CFAP54: variants seen among roughly 807,000 people sequenced by gnomAD.
The protein encoded by CFAP54 is cilia- and flagella-associated protein 54.
CFAP54 carries 290 observed loss-of-function variants against 370.4 expected under a neutral mutation model. The ratio of observed to expected loss-of-function variants is 0.78; its 90% CI spans 0.71 to 0.86. The LOEUF is 0.86. Among genes scored for constraint, CFAP54 ranks in the 40% least tolerant of loss-of-function variants. The pLI, the probability that CFAP54 is intolerant of heterozygous loss-of-function variation, is 0.00. For synonymous variants in CFAP54, 1,206 were observed against 1,236.5 expected, an observed-to-expected ratio of 0.98 and a Z score of 0.52; for missense variants, 3,399 against 3,528.7, an observed-to-expected ratio of 0.96 and a Z score of 0.93.
chr12:96,837,788 TAGGTCCTGG>T (rs1959191056), intron 66 of CFAP54, among the ~76,000 whole-genome samples: 1 of 152,210 alleles, frequency 6.6e-6, no homozygotes, highest in Non-Finnish European at 1.5e-5. Flanking sequence ...GCCATTGGGC[TAGGTCCTGG>T]GGTACAGAAG....
At chr12:96,658,169 A>C in intron 37 of CFAP54, 42 bp from the exon 38 acceptor site, 1 of 1,584,384 alleles carries the variant, frequency 6.3e-7, no homozygotes, top group Non-Finnish European at 8.6e-7. Context: ...AAAGTCTTTT[A>C]ACTAATGTTT....
At chr12:96,816,313 C>G (rs1044598860) in intron 64 of CFAP54, among the ~76,000 whole-genome samples, 2 of 152,062 alleles carry the variant, frequency 1.3e-5, no homozygotes, top group African/African-American at 4.8e-5. Context: ...GCATTTTATT[C>G]TCTTTGAAGC....
intron 45 of CFAP54, among the ~76,000 whole-genome samples, chr12:96,697,466 G>A (rs999917366): frequency 6.6e-6 from 1 of 152,092 alleles, no homozygotes; most frequent in African/African-American, 2.4e-5. Flanking sequence ...ACCAAAGTAT[G>A]CAACTCAATA....
intron 26 of CFAP54, among the ~76,000 whole-genome samples, chr12:96,621,105 T>C (rs999119282): frequency 6.6e-6 from 1 of 152,210 alleles, no homozygotes; most frequent in Non-Finnish European, 1.5e-5. Context: ...AAACAGCTTC[T>C]ATCTAGCCTA....
At chr12:96,719,038 C>CAA (rs1164963751) in intron 49 of CFAP54, among the ~76,000 whole-genome samples, 1 of 137,468 alleles carries the variant, frequency 7.3e-6, no homozygotes, top group African/African-American at 2.6e-5. Context: ...AACTCCATTT[C>CAA]AAAAAAAAAA....
At chr12:96,649,793 GT>G (rs1163386747) in intron 34 of CFAP54, 97 bp from the exon 35 acceptor site, 9 of 701,120 alleles carry the variant, frequency 1.3e-5, no homozygotes, top group Non-Finnish European at 2.0e-5. Context: ...TGTAGCATTT[GT>G]TATCTGAATT....
At chr12:96,813,902 G>A (rs1161395098) in intron 64 of CFAP54, among the ~76,000 whole-genome samples, 3 of 152,200 alleles carry the variant, frequency 2.0e-5, no homozygotes, top group Non-Finnish European at 4.4e-5. Flanking sequence ...TGGGAGGACA[G>A]GGAAGTGAGG....
At chr12:96,538,110 G>A (rs1190198509) in intron 12 of CFAP54, among the ~76,000 whole-genome samples, 1 of 151,808 alleles carries the variant, frequency 6.6e-6, no homozygotes, top group East Asian at 1.9e-4. Flanking sequence ...AAAGGAGTGA[G>A]GACTCTGGAG....
intron 39 of CFAP54, among the ~76,000 whole-genome samples, chr12:96,666,653 C>A (rs118117513): frequency 6.6e-6 from 1 of 152,088 alleles, no homozygotes; most frequent in East Asian, 1.9e-4. Context: ...AAATCCACCC[C>A]GATGATTCAG....
chr12:96,494,105 A>G (rs1954920522), intron 1 of CFAP54, among the ~76,000 whole-genome samples: 1 of 152,184 alleles, frequency 6.6e-6, no homozygotes, highest in Admixed American at 6.5e-5. Flanking sequence ...ACAAAAATGC[A>G]GGAAGATCCT....
chr12:96,846,750 C>T (rs1959360944), intron 66 of CFAP54, among the ~76,000 whole-genome samples: 1 of 152,146 alleles, frequency 6.6e-6, no homozygotes, highest in Non-Finnish European at 1.5e-5. Context: ...GTATGAAGGG[C>T]TGTGCGTGCA....
rs745519356 is a variant in CFAP54 at position 96,743,427 on chromosome 12, C to T, written c.7245C>T (p.Ser2415=). ...VKEDDMTDCL[S]LINEVCMEAK... ...AGGATGATATGACAGATTGCCTGAG[C>T]CTCATCAATGAAGTGTGTATGGAGG... The change falls in exon 53 of 68, where the codon AGC becomes AGT. Residue 2415 remains serine, a synonymous_variant. Coordinates refer to ENST00000524981, the MANE Select transcript of CFAP54 (RefSeq NM_001306084.2). The T allele has an allele frequency of 1.2e-6, 2 of 1,613,956 alleles. No individual in the cohort carries two copies. The highest frequency in any genetic ancestry group is 2.2e-5 in the South Asian group (2 of 91,066).
rs191728557 is a variant in CFAP54 at position 96,648,086 on chromosome 12, C to G, written c.4690+69C>G. On this transcript the variant is annotated intron_variant, in intron 34 of 67. Transcript: ENST00000524981. The stretch of plus-strand genomic sequence containing the variant: ...TTTATTCACTAAACAACACAGCACA[C>G]ATACACATTGTGGACACACAAATGT... The G allele has an allele frequency of 6.1e-4, 732 of 1,194,214 alleles. 4 individuals are homozygous for G. The Admixed American group carries it at 0.015, about 25-fold the overall frequency. The allele number at this position is 1,194,214 out of a possible 1,614,324, so 74.0% of individuals were successfully genotyped here.
intron 48 of CFAP54, among the ~76,000 whole-genome samples, chr12:96,717,650 G>A (rs1957699917): frequency 6.6e-6 from 1 of 152,280 alleles, no homozygotes; most frequent in African/African-American, 2.4e-5. Context: ...CGTGGATGGA[G>A]ATTTTGAAAG....
chr12:96,623,961 A>C, intron 28 of CFAP54, 80 bp downstream of exon 28: 1 of 904,180 alleles, frequency 1.1e-6, no homozygotes. Flanking sequence ...AAGGATTAAG[A>C]TGAGATTAGC....
intron 33 of CFAP54, 127 bp from the exon 34 acceptor site, chr12:96,647,748 A>G: frequency 1.2e-6 from 1 of 809,204 alleles, no homozygotes; most frequent in Non-Finnish European, 1.8e-6. Flanking sequence ...TTAAGTGACA[A>G]AACCCTTCAT....
intron 63 of CFAP54, among the ~76,000 whole-genome samples, chr12:96,805,431 A>G (rs1029867452): frequency 2.0e-5 from 3 of 152,096 alleles, no homozygotes; most frequent in African/African-American, 7.2e-5. Flanking sequence ...GCATGAACAT[A>G]TATTTTTCAA....
chr12:96,866,652 A>G (rs559589728), intron 67 of CFAP54, among the ~76,000 whole-genome samples: 1 of 152,270 alleles, frequency 6.6e-6, no homozygotes, highest in East Asian at 1.9e-4. Flanking sequence ...TGCCTAATTT[A>G]ATTTTTCCCC....
At chr12:96,848,523 C>A (rs1350297377) in intron 66 of CFAP54, among the ~76,000 whole-genome samples, 2 of 151,924 alleles carry the variant, frequency 1.3e-5, no homozygotes, top group Non-Finnish European at 2.9e-5. Flanking sequence ...ATGGTGAAAC[C>A]CCATCTCTAC....
Sources: allele counts gnomAD v4.1 joint callset (sites outside exome capture counted in the v4.1 genomes callset), GRCh38; gene constraint gnomAD v4.1.1; transcripts MANE v1.5; gene names NCBI Gene and HGNC (gene_info 2026-07-23, HGNC 2026-07-21).